MCPH1: variants seen among roughly 807,000 people sequenced by gnomAD.
MCPH1 encodes microcephalin.
A neutral mutation model predicts 84.5 loss-of-function variants in MCPH1; 104 were observed. That is an observed-to-expected ratio of 1.23 (90% CI 1.05 to 1.45). The LOEUF (loss-of-function observed/expected upper bound fraction) is 1.45, where lower values mean the gene tolerates loss of function less well. Among genes scored for constraint, MCPH1 ranks in the 40% most tolerant of loss-of-function variants. MCPH1 has a pLI of 0.00. For missense variants in MCPH1, 1,498 were observed against 1,005.7 expected (o/e 1.49, Z -6.62); for synonymous variants, 514 against 366.8 (o/e 1.40, Z -4.58).
At position 6,413,289 on chromosome 8, in the gene MCPH1, GTC is replaced by G. The variant is rs557819870; in HGVS notation, c.115-1472_115-1471del. Among the ~76,000 whole-genome samples, 30 of 151,904 alleles carry G rather than the reference GTC, an allele frequency of 2.0e-4. No homozygotes were observed. The South Asian group carries it at 6.2e-3, about 32-fold the overall frequency. On this transcript the variant is annotated intron_variant, in intron 2 of 13. Transcript: ENST00000344683. ...GTCACTTATTGTTTGCATGTGATGT[GTC>G]TCTATCCTCTTCACCTTGATTACCC... is the stretch of plus-strand genomic sequence containing the variant.
rs1223767398 is a variant in MCPH1, at chr8:6,439,085, T to A, written c.569T>A (p.Leu190His). 6.2e-7 allele frequency: 1 copy of A among 1,613,248 alleles called. No homozygotes were observed. The highest frequency in any genetic ancestry group is 8.5e-7 in the Non-Finnish European group (1 of 1,179,742). ...LQEMKEKRENLSPTSSQMIQQ... is the reference protein window; with the variant it reads ...LQEMKEKRENHSPTSSQMIQQ... ...GAGATGAAGGAGAAAAGGGAAAATC[T>A]TTCCCCCACCTGTAAGTAATTAGTT... The change falls in exon 6 of 14, where the codon CTT becomes CAT. Residue 190 changes from leucine to histidine, a missense_variant. By Grantham distance (99) the Leu-to-His change is moderately conservative. Coordinates refer to ENST00000344683, the MANE Select transcript of MCPH1 (RefSeq NM_024596.5).
intron 12 of MCPH1, among the ~76,000 whole-genome samples, chr8:6,506,429 C>A (rs2442468): frequency 2.0e-5 from 3 of 151,868 alleles, no homozygotes; most frequent in African/African-American, 4.8e-5. Flanking sequence ...CTTGATTTGC[C>A]TAAGTAAATA....
chr8:6,591,023 C>G (rs1338145896), intron 12 of MCPH1, among the ~76,000 whole-genome samples: 1 of 152,226 alleles, frequency 6.6e-6, no homozygotes, highest in Admixed American at 6.5e-5. Flanking sequence ...CTCAGCCTCC[C>G]GAGTAGCTGG....
At chr8:6,639,748 G>A (rs934104558) in intron 13 of MCPH1, among the ~76,000 whole-genome samples, 1 of 151,480 alleles carries the variant, frequency 6.6e-6, no homozygotes, top group African/African-American at 2.4e-5. Context: ...TATATATATT[G>A]GAGAATGACA....
intron 12 of MCPH1, among the ~76,000 whole-genome samples, chr8:6,570,572 T>C (rs1826570937): frequency 6.6e-6 from 1 of 152,178 alleles, no homozygotes. Context: ...GGGACAATTA[T>C]CTTTCTCCTT....
At chr8:6,619,742 G>A (rs534099082) in intron 12 of MCPH1, among the ~76,000 whole-genome samples, 3 of 152,018 alleles carry the variant, frequency 2.0e-5, no homozygotes, top group African/African-American at 4.8e-5. Context: ...CCACCACCAC[G>A]CCTGGCTAAT....
chr8:6,511,317 G>T (rs1262973478), intron 12 of MCPH1, among the ~76,000 whole-genome samples: 1 of 151,126 alleles, frequency 6.6e-6, no homozygotes, highest in Non-Finnish European at 1.5e-5. Flanking sequence ...CTGCAGCTTT[G>T]CCAGGGATGA....
At chr8:6,453,711 T>G (rs1280568993) in intron 8 of MCPH1, among the ~76,000 whole-genome samples, 1 of 152,194 alleles carries the variant, frequency 6.6e-6, no homozygotes, top group Non-Finnish European at 1.5e-5. Flanking sequence ...TAATTCTAAT[T>G]ATTTTTAATC....
intron 12 of MCPH1, chr8:6,562,722 G>C (rs764203431): frequency 1.2e-6 from 2 of 1,613,436 alleles, no homozygotes; most frequent in South Asian, 1.1e-5. Flanking sequence ...CATCGTATTC[G>C]AGCGGCGCGT....
intron 4 of MCPH1, among the ~76,000 whole-genome samples, chr8:6,434,499 G>C (rs1045082315): frequency 6.6e-6 from 1 of 152,160 alleles, no homozygotes; most frequent in Admixed American, 6.5e-5. Flanking sequence ...TTCCAAGCCT[G>C]TTGAAATGAA....
In MCPH1 at chr8:6,543,391, T is replaced by C. The variant is rs1386081946; in HGVS notation, c.2214+43462T>C. Among the ~76,000 whole-genome samples the C allele has an allele frequency of 5.3e-5, 8 of 152,302 alleles. No homozygotes were observed. The South Asian group carries it at 1.7e-3, about 32-fold the overall frequency. The stretch of plus-strand genomic sequence containing the variant: ...TCTCCTGCCTGGACACCCTTCTCTC[T>C]GTGCTTTCCTGGGTTAGAGTAAATG... On this transcript the variant is annotated intron_variant, in intron 12 of 13. Transcript: ENST00000344683.
At chr8:6,477,560 C>G (rs1586005059) in intron 9 of MCPH1, 34 bp from the exon 10 acceptor site, 2 of 1,597,514 alleles carry the variant, frequency 1.3e-6, no homozygotes, top group Non-Finnish European at 1.7e-6. Context: ...ATGTTTTTGA[C>G]TGTTTTTTGT....
chr8:6,418,823 G>C (rs956580212), intron 3 of MCPH1, among the ~76,000 whole-genome samples: 16 of 151,954 alleles, frequency 1.1e-4, no homozygotes, highest in African/African-American at 3.9e-4. Flanking sequence ...CTCGTGATCT[G>C]CCTGCCTCAG....
intron 3 of MCPH1, among the ~76,000 whole-genome samples, chr8:6,429,663 C>G (rs1336589160): frequency 6.6e-6 from 1 of 151,970 alleles, no homozygotes; most frequent in Non-Finnish European, 1.5e-5. Flanking sequence ...AAAGCATGTG[C>G]TAAGTCCACC....
Position 6,623,688 on chromosome 8 carries a change from C to CAAAAAAAA in MCPH1, c.2452+2020_2452+2027dup, listed in dbSNP as rs377522481. 1.2e-4 allele frequency among the ~76,000 whole-genome samples: 11 copies of CAAAAAAAA among 92,414 alleles called. 1 individual carries two copies. Among genetic ancestry groups the CAAAAAAAA allele is most frequent in the South Asian group, 3.7e-4 (1 of 2,692 alleles). 60.6% of individuals were successfully genotyped at this position (92,414 alleles called of 152,430 possible). On this transcript the variant is annotated intron_variant, in intron 13 of 13. Transcript: ENST00000344683. ...CATCTTTTGCCTGGAAACCAACTTC[C>CAAAAAAAA]AAAAAAAAAAAAAAAAAAAAAAAAA...
At chr8:6,447,236 A>G (rs1804535856) in intron 8 of MCPH1, 1 of 985,262 alleles carries the variant, frequency 1.0e-6, no homozygotes, top group Admixed American at 6.1e-5. Context: ...ACTCAGGTGA[A>G]CCAACTCTCT....
At chr8:6,468,155 G>T (rs1014540590) in intron 9 of MCPH1, among the ~76,000 whole-genome samples, 5 of 152,154 alleles carry the variant, frequency 3.3e-5, no homozygotes, top group Non-Finnish European at 7.3e-5. Flanking sequence ...TCTTTCCTGT[G>T]CAGATAAGAG....
chr8:6,476,072 A>G (rs1808408681), intron 9 of MCPH1, among the ~76,000 whole-genome samples: 1 of 152,226 alleles, frequency 6.6e-6, no homozygotes, highest in Admixed American at 6.5e-5. Context: ...TATTCACTAC[A>G]GTGGCATTTC....
intron 11 of MCPH1, among the ~76,000 whole-genome samples, chr8:6,497,623 T>A (rs1181693906): frequency 1.3e-5 from 2 of 152,194 alleles, no homozygotes; most frequent in Admixed American, 6.5e-5. Flanking sequence ...CTGTGGACTT[T>A]GGGTGATAAT....
Sources: allele counts gnomAD v4.1 joint callset (sites outside exome capture counted in the v4.1 genomes callset), GRCh38; gene constraint gnomAD v4.1.1; transcripts MANE v1.5; gene names NCBI Gene and HGNC (gene_info 2026-07-23, HGNC 2026-07-21).